The following SLC38A3 variants were observed in gnomAD, a reference collection of about 807,000 sequenced individuals.
SLC38A3 encodes the protein solute carrier family 38 member 3, also known as sodium-coupled neutral amino acid transporter 3.
SLC38A3 carries 17 observed loss-of-function variants against 59.5 expected under a neutral mutation model. The ratio of observed to expected loss-of-function variants is 0.29; its 90% CI spans 0.20 to 0.43. The LOEUF is 0.43. SLC38A3 is among the 20% of genes least tolerant of loss of function. The pLI is 1.00. For synonymous variants in SLC38A3, 238 were observed against 260.3 expected (o/e 0.91, Z 0.82); for missense variants, 454 against 653.9 (o/e 0.69, Z 3.33).
At chr3:50,208,761 C>T (rs1699680738) in intron 1 of SLC38A3, among the ~76,000 whole-genome samples, 1 of 152,172 alleles carries the variant, frequency 6.6e-6, no homozygotes, top group Non-Finnish European at 1.5e-5. Flanking sequence ...TCTGCATTTC[C>T]CTGTCACCCT....
In SLC38A3 at chr3:50,215,711, C is replaced by T. The variant is rs201130965; in HGVS notation, c.467-29C>T. ...AGCTGGCTGGTTGGGCTGACCTCAG[C>T]GCCTGCCTGCCCGCCCCTCTCCCCA... On this transcript the variant is annotated intron_variant, in intron 6 of 15. Coordinates refer to ENST00000614032, the MANE Select transcript of SLC38A3 (RefSeq NM_006841.6). The surrounding 1 kb of genome is among the most constrained non-coding windows in gnomAD (Gnocchi z 7.1). 9.3e-3 allele frequency: 14,931 copies of T among 1,604,768 alleles called. 164 individuals carry two copies. Among genetic ancestry groups the T allele is most frequent in the South Asian group, 0.034 (3,046 of 90,092 alleles).
chr3:50,218,250 ACCCC>A lies in SLC38A3; in HGVS notation c.936-16_936-13del. ...GTTACCCAGCTTGTCACCAACACCC[ACCCC>A]CCCACTTCCCCACAGCCCCTCCAAG... On this transcript the variant is annotated splice_polypyrimidine_tract_variant and intron_variant, in intron 11 of 15. Transcript: ENST00000614032. This position sits in a 1 kb window ranked among gnomAD's most constrained non-coding sequence, Gnocchi z 5.8. 2.0e-5 allele frequency: 21 copies of A among 1,038,058 alleles called. No individual in the cohort carries two copies. Among genetic ancestry groups the A allele is most frequent in the Non-Finnish European group, 3.0e-5 (20 of 657,904 alleles). The allele number at this position is 1,038,058 out of a possible 1,614,324, so 64.3% of individuals were successfully genotyped here.
chr3:50,213,180 G>A (rs887906573), intron 1 of SLC38A3, among the ~76,000 whole-genome samples: 2 of 152,226 alleles, frequency 1.3e-5, no homozygotes, highest in Non-Finnish European at 2.9e-5. Context: ...GAGCAGAGAA[G>A]GGAGACTGAT....
In SLC38A3 at chr3:50,218,195, A is replaced by G; in HGVS notation, c.936-75A>G. ...GAATGGTGAAAGTATGGTGCCAGAG[A>G]GAGCTTGGGGCACATGGGGGTCTCC... On this transcript the variant is annotated intron_variant, in intron 11 of 15. Coordinates refer to ENST00000614032, the MANE Select transcript of SLC38A3 (RefSeq NM_006841.6). The surrounding 1 kb of genome is among the most constrained non-coding windows in gnomAD (Gnocchi z 5.8). The G allele has an allele frequency of 8.5e-7, 1 of 1,182,510 alleles. No individual in the cohort carries two copies. Among genetic ancestry groups the G allele is most frequent in the East Asian group, 2.3e-5 (1 of 42,818 alleles). 73.3% of individuals were successfully genotyped at this position (1,182,510 alleles called of 1,614,324 possible).
chr3:50,213,077 G>C (rs560955699), intron 1 of SLC38A3, among the ~76,000 whole-genome samples: 1 of 152,320 alleles, frequency 6.6e-6, no homozygotes, highest in South Asian at 2.1e-4. Context: ...CCAGTGATGG[G>C]AGAGAGGGGC....
chr3:50,211,170 CCCGATTCCGATTCCCGGATACAAA>C (rs1333111417), intron 1 of SLC38A3, among the ~76,000 whole-genome samples: 1 of 152,198 alleles, frequency 6.6e-6, no homozygotes, highest in Non-Finnish European at 1.5e-5. Context: ...CTGAGTTTAC[CCCGATTCCGATTCCCGGATACAAA>C]GGAGCCTGGG....
intron 1 of SLC38A3, among the ~76,000 whole-genome samples, chr3:50,206,945 T>C (rs534649438): frequency 6.6e-6 from 1 of 152,336 alleles, no homozygotes; most frequent in East Asian, 1.9e-4. Flanking sequence ...CTTGAAGCCC[T>C]GGACAGTTGG....
rs1359144086 is a variant in SLC38A3 at position 50,218,278 on chromosome 3, A to G, written c.944A>G (p.Lys315Arg). Residue 315 changes from lysine to arginine, a missense_variant, in exon 12 of 16, where the codon AAG (lysine) becomes AGG (arginine). By Grantham distance (26) the Lys-to-Arg change is conservative. Coordinates refer to ENST00000614032, the MANE Select transcript of SLC38A3 (RefSeq NM_006841.6). The surrounding 1 kb of genome is among the most constrained non-coding windows in gnomAD (Gnocchi z 5.8). The part of the protein sequence containing the change: ...PIYTELKDPS[K>R]KKMQHISNLS... ...CCCCCACTTCCCCACAGCCCCTCCA[A>G]GAAGAAGATGCAGCACATCTCCAAC... The G allele has an allele frequency of 1.9e-6, 3 of 1,610,218 alleles. No homozygotes were observed. The highest frequency in any genetic ancestry group is 2.2e-5 in the East Asian group (1 of 44,876).
chr3:50,212,425 T>G (rs1411765658), intron 1 of SLC38A3, among the ~76,000 whole-genome samples: 10 of 152,156 alleles, frequency 6.6e-5, no homozygotes, highest in African/African-American at 2.4e-4. Context: ...ATGGCAAGGC[T>G]TAGGGCAGGG....
chr3:50,210,442 A>G (rs994170012), intron 1 of SLC38A3, among the ~76,000 whole-genome samples: 1 of 152,156 alleles, frequency 6.6e-6, no homozygotes, highest in African/African-American at 2.4e-5. Context: ...GTCGTCACCA[A>G]GGTAAAAAGA....
intron 1 of SLC38A3, among the ~76,000 whole-genome samples, chr3:50,206,523 A>C (rs1258158714): frequency 6.6e-6 from 1 of 152,258 alleles, no homozygotes; most frequent in African/African-American, 2.4e-5. Flanking sequence ...GGGGATAGAA[A>C]GCTAAAGAGA....
intron 1 of SLC38A3, among the ~76,000 whole-genome samples, chr3:50,213,477 T>A (rs901976616): frequency 6.6e-6 from 1 of 152,124 alleles, no homozygotes; most frequent in African/African-American, 2.4e-5. Flanking sequence ...AGGGCCCAGG[T>A]GTCCAGCCAC....
Position 50,220,587 on chromosome 3 carries a change from TG to T in SLC38A3, c.*414del. ...TGCTGCTAGGCCACGGTCTGCGCCCTGGGGCCTCATCTCCCCCAGCCCACTT... is the reference window on the plus strand; with the variant it reads ...TGCTGCTAGGCCACGGTCTGCGCCCTGGGCCTCATCTCCCCCAGCCCACTT... On this transcript the variant is annotated 3_prime_UTR_variant, in exon 16 of 16. Transcript: ENST00000614032. 1 of 222,326 alleles carries T rather than the reference TG, an allele frequency of 4.5e-6. No individual in the cohort carries two copies. Among genetic ancestry groups the T allele is most frequent in the Non-Finnish European group, 9.0e-6 (1 of 110,604 alleles). The allele number at this position is 222,326 out of a possible 1,614,324, so 13.8% of individuals were successfully genotyped here.
Position 50,220,522 on chromosome 3 carries a change from C to T in SLC38A3, c.*345C>T. The T allele has an allele frequency of 6.4e-6, 2 of 311,352 alleles. No individual in the cohort carries two copies. Among genetic ancestry groups the T allele is most frequent in the Admixed American group, 4.6e-5 (1 of 21,956 alleles). 19.3% of individuals were successfully genotyped at this position (311,352 alleles called of 1,614,324 possible). On this transcript the variant is annotated 3_prime_UTR_variant, in exon 16 of 16. Coordinates refer to ENST00000614032, the MANE Select transcript of SLC38A3 (RefSeq NM_006841.6). ...CCTGAGGTGACACAGCCTGTAGGAA[C>T]ATACACAGCTGGGATCAGCCTGCAG...
chr3:50,218,717 G>A lies in SLC38A3; in HGVS notation c.1161G>A (p.Pro387=), dbSNP rs587612589. ...VTLTVPIVLF[P]VRRAIQQMLF... Reference sequence around the variant, plus strand: ...TCACAGTGCCCATCGTTCTGTTCCCGGTGAGCTGGTGGGCAGGTGGCTAGA... The same window carrying A: ...TCACAGTGCCCATCGTTCTGTTCCCAGTGAGCTGGTGGGCAGGTGGCTAGA... Residue 387 remains proline, a splice_region_variant and synonymous_variant, in exon 13 of 16, where the codon CCG becomes CCA. Coordinates refer to ENST00000614032, the MANE Select transcript of SLC38A3 (RefSeq NM_006841.6). This position sits in a 1 kb window ranked among gnomAD's most constrained non-coding sequence, Gnocchi z 5.8. 40 of 1,605,712 alleles carry A rather than the reference G, an allele frequency of 2.5e-5. No individual in the cohort carries two copies. The highest frequency in any genetic ancestry group is 6.7e-5 in the East Asian group (3 of 44,614).
At chr3:50,212,503 T>C (rs1699744809) in intron 1 of SLC38A3, among the ~76,000 whole-genome samples, 1 of 152,048 alleles carries the variant, frequency 6.6e-6, no homozygotes, top group African/African-American at 2.4e-5. Flanking sequence ...GATGCTAACA[T>C]TGTTATAGTC....
rs1413168875 is a variant in SLC38A3 at position 50,218,098 on chromosome 3, T to C, written c.935+102T>C. The C allele has an allele frequency of 1.4e-5, 17 of 1,244,058 alleles. No homozygotes were observed. The highest frequency in any genetic ancestry group is 2.0e-5 in the Non-Finnish European group (17 of 859,808). The allele number at this position is 1,244,058 out of a possible 1,614,324, so 77.1% of individuals were successfully genotyped here. On this transcript the variant is annotated intron_variant, in intron 11 of 15. Transcript: ENST00000614032. The surrounding 1 kb of genome is among the most constrained non-coding windows in gnomAD (Gnocchi z 5.8). Reference sequence around the variant, plus strand: ...GGAGAGGGGAGTGACAGGAGCCAAGTCACTTTATCTGAGATGTCCTTGGCA... The same window carrying C: ...GGAGAGGGGAGTGACAGGAGCCAAGCCACTTTATCTGAGATGTCCTTGGCA...
In SLC38A3 at chr3:50,214,343, G is replaced by A. The variant is rs1180794266; in HGVS notation, c.101+43G>A. 1 of 1,610,216 alleles carries A rather than the reference G, an allele frequency of 6.2e-7. No individual in the cohort carries two copies. Among genetic ancestry groups the A allele is most frequent in the Non-Finnish European group, 8.5e-7 (1 of 1,177,708 alleles). On this transcript the variant is annotated intron_variant, in intron 2 of 15. Transcript: ENST00000614032. This position sits in a 1 kb window ranked among gnomAD's most constrained non-coding sequence, Gnocchi z 6.0. ...CCAGTGGTGGCTGAAGACAGGGCAG[G>A]GCAGGGATACAGAGCAAAGGGCTGG...
In SLC38A3 at chr3:50,215,601, C is replaced by T; in HGVS notation, c.431C>T (p.Ala144Val). 3 of 1,613,794 alleles carry T rather than the reference C, an allele frequency of 1.9e-6. No homozygotes were observed. The highest frequency in any genetic ancestry group is 2.5e-6 in the Non-Finnish European group (3 of 1,179,872). ...GCCTTTGGGACCCCAGGAAAGCTGG[C>T]AGCAGCCCTGGCCATCACGCTCCAG... ...YRAFGTPGKL[A>V]AALAITLQNI... The change falls in exon 6 of 16, where the codon GCA (alanine) becomes GTA (valine). Residue 144 changes from alanine to valine, a missense_variant. This residue lies in a region of SLC38A3 where 390 missense variants were observed against 557.9 expected (regional missense o/e 0.70). Transcript: ENST00000614032. The surrounding 1 kb of genome is among the most constrained non-coding windows in gnomAD (Gnocchi z 7.1).
Sources: allele counts gnomAD v4.1 joint callset (sites outside exome capture counted in the v4.1 genomes callset), GRCh38; gene constraint gnomAD v4.1.1; regional missense constraint gnomAD v4.1.1; non-coding constraint Gnocchi (gnomAD v3.1); transcripts MANE v1.5; gene names NCBI Gene and HGNC (gene_info 2026-07-23, HGNC 2026-07-21).